The following MAD1L1 variants were observed in gnomAD, a reference collection of about 807,000 sequenced individuals.
MAD1L1 encodes mitotic spindle assembly checkpoint protein MAD1.
A neutral mutation model predicts 96.9 loss-of-function variants in MAD1L1; 95 were observed. The observed-to-expected ratio is 0.98, with a 90% CI of 0.83 to 1.16. The LOEUF (loss-of-function observed/expected upper bound fraction) is 1.16, where lower values mean the gene tolerates loss of function less well. Among genes scored for constraint, MAD1L1 ranks in the 50% most tolerant of loss-of-function variants. The probability of loss-of-function intolerance (pLI) is 0.00; values close to 1 mark genes in which losing one functional copy is unlikely to be tolerated. For synonymous variants in MAD1L1, 473 were observed against 396.6 expected (o/e 1.19, Z -2.29); for missense variants, 1,007 against 954.4 (o/e 1.06, Z -0.73).
chr7:1,854,982 G>A lies in MAD1L1; in HGVS notation c.1999-38754C>T, dbSNP rs374645286. On this transcript the variant is annotated intron_variant, in intron 18 of 18. Coordinates refer to ENST00000265854, the MANE Select transcript of MAD1L1 (RefSeq NM_001013836.2). ...ACCTCTCGTCCACTGGGGAGGCCCC[G>A]CGCCCACCGCTGGCAGAGCTCCTGG... Among the ~76,000 whole-genome samples the A allele has an allele frequency of 3.9e-4, 60 of 152,358 alleles. 1 individual carries two copies. The South Asian group carries it at 0.01, about 26-fold the overall frequency.
At chr7:1,895,405 G>C (rs1423088061) in intron 18 of MAD1L1, among the ~76,000 whole-genome samples, 5 of 152,208 alleles carry the variant, frequency 3.3e-5, no homozygotes, top group African/African-American at 4.8e-5. Context: ...AGCTCACCTA[G>C]AGTCAGCCCC....
chr7:1,906,225 G>A (rs1787622838), intron 17 of MAD1L1, among the ~76,000 whole-genome samples: 1 of 152,100 alleles, frequency 6.6e-6, no homozygotes, highest in African/African-American at 2.4e-5. Context: ...TAGGGTCCCC[G>A]AACCCCAAGC....
intron 10 of MAD1L1, among the ~76,000 whole-genome samples, chr7:2,164,965 T>G (rs1790353309): frequency 1.3e-5 from 2 of 152,168 alleles, no homozygotes; most frequent in African/African-American, 4.8e-5. Context: ...AGGGGGCATG[T>G]TGACCCGGGA....
At chr7:1,828,396 A>C (rs1262118878) in intron 18 of MAD1L1, among the ~76,000 whole-genome samples, 1 of 152,158 alleles carries the variant, frequency 6.6e-6, no homozygotes, top group East Asian at 1.9e-4. Context: ...AGTTCGCTGG[A>C]GTGCTCAGTG....
chr7:2,058,774 G>A (rs1784497114), intron 12 of MAD1L1, among the ~76,000 whole-genome samples: 3 of 120,076 alleles, frequency 2.5e-5, no homozygotes, highest in Admixed American at 2.4e-4. Context: ...TGGAGAGGGA[G>A]TGTGGCCAGA....
chr7:2,211,587 G>T lies in MAD1L1; in HGVS notation c.986+1625C>A, dbSNP rs953620622. Among the ~76,000 whole-genome samples the T allele has an allele frequency of 2.0e-5, 3 of 152,196 alleles. No homozygotes were observed. In the East Asian group the frequency reaches 5.8e-4, roughly 29 times the overall value. ...GGCCAGAGTATGCCTGGGAGCAGAA[G>T]GGTCGCCTTCCAAGCAATTAATAAG... On this transcript the variant is annotated intron_variant, in intron 10 of 18. Coordinates refer to ENST00000265854, the MANE Select transcript of MAD1L1 (RefSeq NM_001013836.2).
chr7:1,975,239 T>A (rs186148957), intron 15 of MAD1L1, among the ~76,000 whole-genome samples: 1 of 152,342 alleles, frequency 6.6e-6, no homozygotes, highest in East Asian at 1.9e-4. Context: ...GATCCCCAGA[T>A]GGGCTGGGCA....
In MAD1L1 at chr7:2,159,757, C is replaced by G. The variant is rs115344729; in HGVS notation, c.987-10519G>C. Among the ~76,000 whole-genome samples, 1,372 of 152,298 alleles carry G rather than the reference C, an allele frequency of 9.0e-3. 21 individuals are homozygous for G. Among genetic ancestry groups the G allele is most frequent in the African/African-American group, 0.031 (1,285 of 41,560 alleles). ...GGTATAACAGGTTAAATGTCGTAGT[C>G]TATCCATACAATGGAACTTGTGTAA... On this transcript the variant is annotated intron_variant, in intron 10 of 18. Coordinates refer to ENST00000265854, the MANE Select transcript of MAD1L1 (RefSeq NM_001013836.2).
chr7:2,022,346 G>C (rs1029625738), intron 12 of MAD1L1, among the ~76,000 whole-genome samples: 6 of 152,194 alleles, frequency 3.9e-5, no homozygotes, highest in African/African-American at 1.2e-4. Context: ...GCAAACTCTA[G>C]GATAATTCTG....
Position 2,221,136 on chromosome 7 carries a change from C to CT in MAD1L1, c.471+1438dup, listed in dbSNP as rs1793584489. 4 of 935,582 alleles carry CT rather than the reference C, an allele frequency of 4.3e-6. No homozygotes were observed. The East Asian group carries it at 1.0e-4, about 24-fold the overall frequency. The allele number at this position is 935,582 out of a possible 1,614,324, so 58.0% of individuals were successfully genotyped here. A position where few individuals can be genotyped will look rare whatever the true frequency, so the allele number is the denominator to read the frequency against. ...GCAGCAGCACCTGCAGCGCCACCAT[C>CT]TTCCCCTCACTATGCCCCACCCCAC... is the stretch of plus-strand genomic sequence containing the variant. On this transcript the variant is annotated intron_variant, in intron 5 of 18. Transcript: ENST00000265854.
intron 11 of MAD1L1, among the ~76,000 whole-genome samples, chr7:2,077,021 T>G (rs1785409821): frequency 6.8e-6 from 1 of 146,128 alleles, no homozygotes; most frequent in Admixed American, 6.8e-5. Flanking sequence ...CACGGCACGG[T>G]GAGCCCGAGA....
chr7:2,031,884 G>C (rs756333028), intron 12 of MAD1L1, among the ~76,000 whole-genome samples: 4 of 152,254 alleles, frequency 2.6e-5, no homozygotes, highest in Non-Finnish European at 4.4e-5. Flanking sequence ...GTGGAGTCAC[G>C]GCTCTGGGGC....
At chr7:2,086,708 C>T (rs1785937946) in intron 11 of MAD1L1, among the ~76,000 whole-genome samples, 2 of 152,200 alleles carry the variant, frequency 1.3e-5, no homozygotes, top group Admixed American at 6.5e-5. Flanking sequence ...CCTGCCACCA[C>T]ACCCAGCTAA....
intron 10 of MAD1L1, among the ~76,000 whole-genome samples, chr7:2,174,131 C>A (rs2128596766): frequency 6.6e-6 from 1 of 152,300 alleles, no homozygotes; most frequent in South Asian, 2.1e-4. Flanking sequence ...GGATGACTGA[C>A]TTTTTTAAAG....
intron 13 of MAD1L1, among the ~76,000 whole-genome samples, chr7:2,004,163 C>G (rs1381415703): frequency 6.6e-6 from 1 of 152,204 alleles, no homozygotes; most frequent in East Asian, 1.9e-4. Flanking sequence ...CACCCACAGG[C>G]CACCAGGCCA....
chr7:2,195,438 A>C (rs1221167805), intron 10 of MAD1L1, among the ~76,000 whole-genome samples: 1 of 152,234 alleles, frequency 6.6e-6, no homozygotes, highest in Non-Finnish European at 1.5e-5. Flanking sequence ...AACTAGAAAG[A>C]GCAAATGGGA....
At chr7:1,826,742 C>T (rs1386709823) in intron 18 of MAD1L1, among the ~76,000 whole-genome samples, 2 of 152,254 alleles carry the variant, frequency 1.3e-5, no homozygotes, top group Admixed American at 6.5e-5. Context: ...TTCCAAAGAA[C>T]GGAAGCTGGC....
chr7:1,858,192 C>G (rs973771229), intron 18 of MAD1L1, among the ~76,000 whole-genome samples: 2 of 152,220 alleles, frequency 1.3e-5, no homozygotes, highest in African/African-American at 4.8e-5. Flanking sequence ...CTGGCGCGCC[C>G]GTCGGTGGCA....
intron 11 of MAD1L1, chr7:2,079,745 C>CAACAGAGATCACG: frequency 2.1e-6 from 1 of 470,960 alleles, no homozygotes; most frequent in Non-Finnish European, 4.4e-6. Context: ...TGGGGAGCCC[C>CAACAGAGATCACG]GGCAAGCACG....
Sources: allele counts gnomAD v4.1 joint callset (sites outside exome capture counted in the v4.1 genomes callset), GRCh38; gene constraint gnomAD v4.1.1; transcripts MANE v1.5; gene names NCBI Gene and HGNC (gene_info 2026-07-23, HGNC 2026-07-21).